Variants in ZMPSTE24 observed in about 807,000 individuals in gnomAD.
ZMPSTE24 encodes the protein zinc metallopeptidase STE24, also known as CAAX prenyl protease 1 homolog.
ZMPSTE24 carries 48 observed loss-of-function variants against 56.7 expected under a neutral mutation model. The observed-to-expected ratio is 0.85, with a 90% CI of 0.67 to 1.08. The LOEUF (loss-of-function observed/expected upper bound fraction) is 1.08. ZMPSTE24 is among the 50% of genes least tolerant of loss of function. The pLI is 0.00. For synonymous variants in ZMPSTE24, 172 were observed against 195.2 expected, an observed-to-expected ratio of 0.88 and a Z score of 0.99; for missense variants, 503 against 548.7, an observed-to-expected ratio of 0.92 and a Z score of 0.83.
At position 40,258,384 on chromosome 1, in the gene ZMPSTE24, C is replaced by T; in HGVS notation, c.113C>T (p.Ala38Val). ...WTVYLWETFL[A>V]QRQRRIYKTT... ...GTGTATCTTTGGGAGACCTTCCTAG[C>T]ACAGCGGCAGGTGAGCCTAGACAGG... The change falls in exon 1 of 10, where the codon GCA (alanine) becomes GTA (valine). Residue 38 changes from alanine to valine, a missense_variant. Transcript: ENST00000372759. 6.2e-7 allele frequency: 1 copy of T among 1,614,088 alleles called. No individual in the cohort carries two copies. The highest frequency in any genetic ancestry group is 8.5e-7 in the Non-Finnish European group (1 of 1,180,020).
At chr1:40,268,234 T>C (rs1342241176) in intron 3 of ZMPSTE24, among the ~76,000 whole-genome samples, 185 bp from the exon 4 acceptor site, 1 of 152,248 alleles carries the variant, frequency 6.6e-6, no homozygotes, top group African/African-American at 2.4e-5. Context: ...GGAATTGTTT[T>C]GTTTCTCATT....
Position 40,292,619 on chromosome 1 carries a change from C to T in ZMPSTE24, c.1378C>T (p.Pro460Ser). ...WLFSMWHYSHPPLLERLQALK... is the reference protein window; with the variant it reads ...WLFSMWHYSHSPLLERLQALK... ...GTTCTCAATGTGGCATTATTCTCAT[C>T]CTCCACTGCTAGAGAGACTTCAAGC... Residue 460 changes from proline (P) to serine (S), a missense_variant, in exon 10 of 10, where the codon CCT (proline) becomes TCT (serine). Pro to Ser is a moderately conservative substitution (Grantham distance 74, BLOSUM62 -1). Coordinates refer to ENST00000372759, the MANE Select transcript of ZMPSTE24 (RefSeq NM_005857.5). The T allele has an allele frequency of 6.2e-7, 1 of 1,614,094 alleles. No homozygotes were observed.
chr1:40,290,635 T>C, intron 8 of ZMPSTE24: 1 of 420,602 alleles, frequency 2.4e-6, no homozygotes. Flanking sequence ...TAATTTTTTC[T>C]GCATTTTTAG....
chr1:40,274,690 G>C (rs4660397), intron 6 of ZMPSTE24, among the ~76,000 whole-genome samples: 1 of 152,274 alleles, frequency 6.6e-6, no homozygotes, highest in Non-Finnish European at 1.5e-5. Flanking sequence ...TGAAGGCTTA[G>C]ACAGGAAAGT....
intron 6 of ZMPSTE24, 34 bp from the exon 7 acceptor site, chr1:40,281,309 T>C: frequency 6.2e-7 from 1 of 1,611,710 alleles, no homozygotes; most frequent in Non-Finnish European, 8.5e-7. Flanking sequence ...AACTTTTTAA[T>C]TATATTCCAT....
chr1:40,268,383 C>A, intron 3 of ZMPSTE24, 36 bp from the exon 4 acceptor site: 2 of 1,419,140 alleles, frequency 1.4e-6, no homozygotes, highest in South Asian at 2.3e-5. Context: ...GCCAGTAGTT[C>A]ATAAAAACTG....
intron 2 of ZMPSTE24, 123 bp from the exon 3 acceptor site, chr1:40,267,663 C>T: frequency 1.3e-6 from 1 of 755,268 alleles, no homozygotes; most frequent in Admixed American, 2.1e-5. Context: ...AGCCACCGTA[C>T]TGGCCTCTTT....
chr1:40,279,119 C>T (rs989943996), intron 6 of ZMPSTE24, among the ~76,000 whole-genome samples: 2 of 152,058 alleles, frequency 1.3e-5, no homozygotes, highest in Non-Finnish European at 2.9e-5. Flanking sequence ...GCAGCCTAGA[C>T]GACAGAGAGA....
At chr1:40,280,878 C>G (rs1427752978) in intron 6 of ZMPSTE24, among the ~76,000 whole-genome samples, 1 of 152,174 alleles carries the variant, frequency 6.6e-6, no homozygotes, top group Non-Finnish European at 1.5e-5. Flanking sequence ...ATTCCAATAT[C>G]AAACAGCAAA....
At chr1:40,271,853 T>C in intron 5 of ZMPSTE24, 41 bp from the exon 6 acceptor site, 1 of 1,607,208 alleles carries the variant, frequency 6.2e-7, no homozygotes. Context: ...GTTTTTTCTT[T>C]AAGAACATGT....
intron 8 of ZMPSTE24, among the ~76,000 whole-genome samples, chr1:40,289,979 C>T (rs1408904660): frequency 6.6e-6 from 1 of 152,196 alleles, no homozygotes; most frequent in African/African-American, 2.4e-5. Context: ...TTGCTATTGA[C>T]CACTTCAAAC....
Position 40,273,516 on chromosome 1 carries a change from T to TCAA in ZMPSTE24, c.769+1481_769+1482insCAA, listed in dbSNP as rs1208318399. ...TGGGCAACAAGAGCCAAATTCTGTC[T>TCAA]AAAAAAAAAAAAAAAAAAAAAATAT... On this transcript the variant is annotated intron_variant, in intron 6 of 9. Transcript: ENST00000372759. Among the ~76,000 whole-genome samples, 10 of 10,584 alleles carry TCAA rather than the reference T, an allele frequency of 9.4e-4. 2 individuals carry two copies. Among genetic ancestry groups the TCAA allele is most frequent in the African/African-American group, 4.0e-3 (7 of 1,768 alleles). The allele number at this position is 10,584 out of a possible 152,430, so 6.9% of individuals were successfully genotyped here. A position where few individuals can be genotyped will look rare whatever the true frequency, so the allele number is the denominator to read the frequency against.
intron 6 of ZMPSTE24, among the ~76,000 whole-genome samples, chr1:40,277,085 C>CTTTT (rs574397138): frequency 7.7e-6 from 1 of 130,076 alleles, no homozygotes; most frequent in African/African-American, 2.9e-5. Context: ...TACAGGGATT[C>CTTTT]TTTTTTTTTT....
intron 9 of ZMPSTE24, among the ~76,000 whole-genome samples, chr1:40,291,850 T>C (rs1347078305): frequency 6.6e-6 from 1 of 151,498 alleles, no homozygotes; most frequent in Non-Finnish European, 1.5e-5. Flanking sequence ...TTTTTTTTTT[T>C]TTTTTTTTAA....
intron 6 of ZMPSTE24, among the ~76,000 whole-genome samples, chr1:40,275,942 A>C (rs775847321): frequency 9.2e-5 from 14 of 152,186 alleles, no homozygotes; most frequent in Non-Finnish European, 1.6e-4. Context: ...TAGCACCTGC[A>C]GAATTAATTC....
intron 2 of ZMPSTE24, among the ~76,000 whole-genome samples, chr1:40,262,255 G>C (rs907939200): frequency 6.6e-6 from 1 of 152,170 alleles, no homozygotes; most frequent in Non-Finnish European, 1.5e-5. Flanking sequence ...CAAATTATTA[G>C]AAACTGCACT....
intron 2 of ZMPSTE24, among the ~76,000 whole-genome samples, chr1:40,265,612 T>G (rs1164220780): frequency 2.6e-5 from 4 of 152,148 alleles, no homozygotes; most frequent in Non-Finnish European, 4.4e-5. Flanking sequence ...GGAAAGATCC[T>G]TTGAACCCAG....
intron 8 of ZMPSTE24, 38 bp downstream of exon 8, chr1:40,286,067 T>G: frequency 3.2e-6 from 5 of 1,549,132 alleles, no homozygotes; most frequent in Non-Finnish European, 4.5e-6. Flanking sequence ...TATGGCATGA[T>G]AGTCAAATTA....
intron 2 of ZMPSTE24, among the ~76,000 whole-genome samples, chr1:40,263,698 T>A (rs919488107): frequency 1.3e-5 from 2 of 151,954 alleles, no homozygotes; most frequent in Non-Finnish European, 2.9e-5. Context: ...TATGTTTTGG[T>A]CACAGAGATC....
Sources: allele counts gnomAD v4.1 joint callset (sites outside exome capture counted in the v4.1 genomes callset), GRCh38; gene constraint gnomAD v4.1.1; transcripts MANE v1.5; gene names NCBI Gene and HGNC (gene_info 2026-07-23, HGNC 2026-07-21).